HS3ST5: variants seen among roughly 807,000 people sequenced by gnomAD.
The protein encoded by HS3ST5 is heparan sulfate glucosamine 3-O-sulfotransferase 5.
Under a neutral mutation model 25.4 loss-of-function variants are expected in HS3ST5, and 10 were observed. The ratio of observed to expected loss-of-function variants is 0.39; its 90% CI spans 0.24 to 0.67. HS3ST5 has a LOEUF of 0.67. Among genes scored for constraint, HS3ST5 ranks in the 30% least tolerant of loss-of-function variants. The probability of loss-of-function intolerance (pLI) is 0.44; values close to 1 mark genes in which losing one functional copy is unlikely to be tolerated. For synonymous variants in HS3ST5, 170 were observed against 162.4 expected (o/e 1.05, Z -0.36); for missense variants, 324 against 420.7 (o/e 0.77, Z 2.01).
chr6:114,269,617 C>A (rs913322632), intron 1 of HS3ST5, among the ~76,000 whole-genome samples: 1 of 152,140 alleles, frequency 6.6e-6, no homozygotes, highest in African/African-American at 2.4e-5. Context: ...TCAATTTTCT[C>A]TGGTGATTGA....
intron 1 of HS3ST5, among the ~76,000 whole-genome samples, chr6:114,328,347 TG>T (rs1245883619): frequency 1.3e-5 from 2 of 152,278 alleles, no homozygotes; most frequent in Non-Finnish European, 2.9e-5. Context: ...TCTTTCCATC[TG>T]TGCCACCCAA....
At chr6:114,232,892 GA>G (rs968742063) in intron 1 of HS3ST5, among the ~76,000 whole-genome samples, 4 of 151,830 alleles carry the variant, frequency 2.6e-5, no homozygotes, top group African/African-American at 9.7e-5. Flanking sequence ...CATCTATCTA[GA>G]GTGATCTTTT....
chr6:114,111,902 T>G (rs1776284467), intron 3 of HS3ST5, among the ~76,000 whole-genome samples: 2 of 152,130 alleles, frequency 1.3e-5, no homozygotes, highest in African/African-American at 4.8e-5. Flanking sequence ...GTTCACTGAT[T>G]CCAGTACTCC....
chr6:114,322,471 G>T (rs1776007408), intron 1 of HS3ST5, among the ~76,000 whole-genome samples: 2 of 151,952 alleles, frequency 1.3e-5, no homozygotes, highest in Non-Finnish European at 2.9e-5. Context: ...AAAAAAATCA[G>T]CTGCAGAACT....
chr6:114,306,256 T>TATATATACAC lies in HS3ST5; in HGVS notation c.-339+35938_-339+35939insGTGTATATAT, dbSNP rs756494412. Among the ~76,000 whole-genome samples the TATATATACAC allele has an allele frequency of 1.6e-3, 182 of 115,378 alleles. 1 individual carries two copies. The highest frequency in any genetic ancestry group is 5.3e-3 in the African/African-American group (177 of 33,312). 75.7% of individuals were successfully genotyped at this position (115,378 alleles called of 152,430 possible). Reference sequence around the variant, plus strand: ...AAATATACATATATATATATATATATACACACACACACACACACACACATA... The same window carrying TATATATACAC: ...AAATATACATATATATATATATATATATATATACACACACACACACACACACACACACATA... On this transcript the variant is annotated intron_variant, in intron 1 of 4. Transcript: ENST00000312719.
At chr6:114,191,781 C>G (rs1780515296) in intron 2 of HS3ST5, among the ~76,000 whole-genome samples, 1 of 152,146 alleles carries the variant, frequency 6.6e-6, no homozygotes, top group Non-Finnish European at 1.5e-5. Flanking sequence ...CACCTCCACT[C>G]TAGATTCTAT....
chr6:114,277,600 T>C (rs114484881), intron 1 of HS3ST5, among the ~76,000 whole-genome samples: 47 of 152,002 alleles, frequency 3.1e-4, no homozygotes, highest in African/African-American at 1.0e-3. Flanking sequence ...TCTCTGGAGT[T>C]AATGGATACA....
chr6:114,081,596 A>G (rs1774453051), intron 3 of HS3ST5, among the ~76,000 whole-genome samples: 1 of 152,228 alleles, frequency 6.6e-6, no homozygotes, highest in Non-Finnish European at 1.5e-5. Context: ...TAGTAGATTC[A>G]TCAAGGCTAG....
chr6:114,097,051 G>T (rs1775468140), intron 3 of HS3ST5, among the ~76,000 whole-genome samples: 1 of 151,986 alleles, frequency 6.6e-6, no homozygotes, highest in African/African-American at 2.4e-5. Flanking sequence ...GAAAAAAAGA[G>T]CTTCCTCTAG....
chr6:114,256,950 G>C (rs113258565), intron 1 of HS3ST5, among the ~76,000 whole-genome samples: 6 of 152,070 alleles, frequency 3.9e-5, no homozygotes, highest in Non-Finnish European at 5.9e-5. Flanking sequence ...GGGAGGCCTC[G>C]CAATCATGGC....
chr6:114,181,914 A>G (rs1293021945), intron 2 of HS3ST5, among the ~76,000 whole-genome samples: 1 of 151,960 alleles, frequency 6.6e-6, no homozygotes, highest in African/African-American at 2.4e-5. Context: ...GTACGCACGC[A>G]CACACACGTA....
intron 1 of HS3ST5, among the ~76,000 whole-genome samples, chr6:114,300,555 G>T (rs926268304): frequency 6.6e-6 from 1 of 152,138 alleles, no homozygotes; most frequent in African/African-American, 2.4e-5. Flanking sequence ...TTGCTGGTGG[G>T]ATTATAAAAC....
chr6:114,125,057 T>G (rs939333747), intron 3 of HS3ST5, among the ~76,000 whole-genome samples: 1 of 152,180 alleles, frequency 6.6e-6, no homozygotes, highest in African/African-American at 2.4e-5. Flanking sequence ...GGAAAGCAAA[T>G]AAAATATCAT....
rs80223183 is a variant in HS3ST5 at position 114,070,109 on chromosome 6, C to T, written c.-32-7232G>A. ...CCCTCATCCCCTCCCAACCTTACCC[C>T]GACCCAGTCCCCAAAGTCCATTCTA... On this transcript the variant is annotated intron_variant, in intron 3 of 4. Coordinates refer to ENST00000312719, the MANE Select transcript of HS3ST5 (RefSeq NM_153612.4). Among the ~76,000 whole-genome samples, 1,131 of 152,164 alleles carry T rather than the reference C, an allele frequency of 7.4e-3. 13 individuals are homozygous for T. Among genetic ancestry groups the T allele is most frequent in the Non-Finnish European group, 0.013 (858 of 68,002 alleles).
chr6:114,159,390 A>G (rs1212346964), intron 3 of HS3ST5, among the ~76,000 whole-genome samples: 1 of 152,240 alleles, frequency 6.6e-6, no homozygotes, highest in Non-Finnish European at 1.5e-5. Flanking sequence ...AAACAATGGA[A>G]TGTACTGTGC....
intron 2 of HS3ST5, among the ~76,000 whole-genome samples, chr6:114,189,660 T>C (rs924284318): frequency 6.6e-6 from 1 of 152,176 alleles, no homozygotes; most frequent in South Asian, 2.1e-4. Context: ...ATATTTTTCT[T>C]TTGTTTTCTG....
intron 3 of HS3ST5, among the ~76,000 whole-genome samples, chr6:114,063,905 C>G (rs1002657596): frequency 6.6e-6 from 1 of 152,132 alleles, no homozygotes; most frequent in Non-Finnish European, 1.5e-5. Context: ...TGATATTGGT[C>G]TCACTCTTAG....
At chr6:114,306,213 G>T (rs1775281056) in intron 1 of HS3ST5, among the ~76,000 whole-genome samples, 1 of 139,108 alleles carries the variant, frequency 7.2e-6, no homozygotes, top group Non-Finnish European at 1.5e-5. Flanking sequence ...ACTATTTAAG[G>T]CAAAGCTTCT....
intron 2 of HS3ST5, among the ~76,000 whole-genome samples, chr6:114,192,459 C>G (rs1433490033): frequency 6.6e-6 from 1 of 152,172 alleles, no homozygotes; most frequent in East Asian, 1.9e-4. Context: ...ATTTAAGGTG[C>G]ATTCAACTTT....
Sources: gnomAD v4.1 joint callset for allele counts (sites outside exome capture counted in the v4.1 genomes callset) on GRCh38, gnomAD v4.1.1 for gene constraint, MANE v1.5 for transcripts, NCBI Gene and HGNC (gene_info 2026-07-23, HGNC 2026-07-21) for gene names.